The following PDE6B variants were observed in gnomAD, a reference collection of about 807,000 sequenced individuals.
PDE6B encodes the protein phosphodiesterase 6B, also known as rod cGMP-specific 3',5'-cyclic phosphodiesterase subunit beta.
A neutral mutation model predicts 109.0 loss-of-function variants in PDE6B; 106 were observed. The observed-to-expected ratio is 0.97, with a 90% CI of 0.83 to 1.14. The LOEUF (loss-of-function observed/expected upper bound fraction) is 1.14. Among genes scored for constraint, PDE6B ranks in the 50% most tolerant of loss-of-function variants. The pLI is 0.00. For synonymous variants in PDE6B, 490 were observed against 471.3 expected (o/e 1.04, Z -0.51); for missense variants, 1,193 against 1,155.6 (o/e 1.03, Z -0.47).
In PDE6B at chr4:648,455, G is replaced by A. The variant is rs111896881; in HGVS notation, c.712-5397G>A. Among the ~76,000 whole-genome samples the A allele has an allele frequency of 1.3e-5, 2 of 150,602 alleles. No individual in the cohort carries two copies. The highest frequency in any genetic ancestry group is 5.0e-5 in the African/African-American group (2 of 39,998). The stretch of plus-strand genomic sequence containing the variant: ...GCAGTCCGCCCAACGCCTGCACTTC[G>A]TCTGCCTCCTCCTTGAGCTGTGGAA... On this transcript the variant is annotated intron_variant, in intron 3 of 21. Coordinates refer to ENST00000496514, the MANE Select transcript of PDE6B (RefSeq NM_000283.4). The surrounding 1 kb of genome is among the most constrained non-coding windows in gnomAD (Gnocchi z 4.5).
chr4:655,688 C>T (rs1736137376), intron 6 of PDE6B: 1 of 591,804 alleles, frequency 1.7e-6, no homozygotes, highest in African/African-American at 1.8e-5. Context: ...GCACATGAGC[C>T]AGAGACCCCC....
chr4:653,368 G>A, intron 3 of PDE6B: 1 of 1,100,338 alleles, frequency 9.1e-7, no homozygotes, highest in Non-Finnish European at 1.1e-6. Context: ...AGGGGCCTGT[G>A]CAGCGGGATG....
chr4:665,202 C>T lies in PDE6B; in HGVS notation c.2194-53C>T. On this transcript the variant is annotated intron_variant, in intron 18 of 21. Coordinates refer to ENST00000496514, the MANE Select transcript of PDE6B (RefSeq NM_000283.4). The surrounding 1 kb of genome is among the most constrained non-coding windows in gnomAD (Gnocchi z 4.0). ...CGGAGCCTCACGGGGCGGGCCCGGGCCCTTCCGCGTGGGCTCAGAGCTCCA... is the reference window on the plus strand; with the variant it reads ...CGGAGCCTCACGGGGCGGGCCCGGGTCCTTCCGCGTGGGCTCAGAGCTCCA... 1 of 1,361,800 alleles carries T rather than the reference C, an allele frequency of 7.3e-7. No homozygotes were observed. Among genetic ancestry groups the T allele is most frequent in the Non-Finnish European group, 1.0e-6 (1 of 958,538 alleles). The allele number at this position is 1,361,800 out of a possible 1,614,324, so 84.4% of individuals were successfully genotyped here. A position where few individuals can be genotyped will look rare whatever the true frequency, so the allele number is the denominator to read the frequency against.
intron 1 of PDE6B, among the ~76,000 whole-genome samples, chr4:630,865 A>G (rs1734351638): frequency 6.6e-6 from 1 of 152,214 alleles, no homozygotes; most frequent in Non-Finnish European, 1.5e-5. Context: ...TGCTGGGACC[A>G]AGGGTGTATC....
chr4:643,763 T>C lies in PDE6B; in HGVS notation c.711+7794T>C, dbSNP rs574453697. 1.2e-4 allele frequency among the ~76,000 whole-genome samples: 18 copies of C among 151,798 alleles called. No individual in the cohort carries two copies. The South Asian group carries it at 2.7e-3, about 23-fold the overall frequency. On this transcript the variant is annotated intron_variant, in intron 3 of 21. Coordinates refer to ENST00000496514, the MANE Select transcript of PDE6B (RefSeq NM_000283.4). ...TTGCTTTAGGCTTAATTTGAAGTTC[T>C]TTTTCTAGTTTCTTAAGCTTTGAGT...
At chr4:655,600 C>T (rs1577277193) in intron 6 of PDE6B, 2 of 429,426 alleles carry the variant, frequency 4.7e-6, no homozygotes, top group Non-Finnish European at 8.8e-6. Context: ...GCAGCACAGC[C>T]GTCCTCCAAC....
At chr4:657,115 T>C in intron 9 of PDE6B, 92 bp downstream of exon 9, 2 of 1,345,230 alleles carry the variant, frequency 1.5e-6, no homozygotes, top group African/African-American at 1.4e-5. Context: ...AGCATTCGGC[T>C]GTGTGCGTGT....
intron 1 of PDE6B, among the ~76,000 whole-genome samples, chr4:627,701 C>T (rs1437565843): frequency 4.0e-5 from 6 of 150,944 alleles, no homozygotes; most frequent in Non-Finnish European, 7.4e-5. Context: ...TGCCACCCTC[C>T]TCCCTCCTTT....
rs1734112916 is a variant in PDE6B at position 626,534 on chromosome 4, G to C, written c.468+440G>C. ...TGGGATTTGGGAAGAAGAGGTCACAGTCGAAGGTGGTGCAGACGCCCACAG... is the reference window on the plus strand; with the variant it reads ...TGGGATTTGGGAAGAAGAGGTCACACTCGAAGGTGGTGCAGACGCCCACAG... On this transcript the variant is annotated intron_variant, in intron 1 of 21. Coordinates refer to ENST00000496514, the MANE Select transcript of PDE6B (RefSeq NM_000283.4). This position sits in a 1 kb window ranked among gnomAD's most constrained non-coding sequence, Gnocchi z 4.6. Among the ~76,000 whole-genome samples, 1 of 152,238 alleles carries C rather than the reference G, an allele frequency of 6.6e-6. No individual in the cohort carries two copies. Among genetic ancestry groups the C allele is most frequent in the African/African-American group, 2.4e-5 (1 of 41,472 alleles).
chr4:634,003 G>A (rs1221064416), intron 1 of PDE6B, among the ~76,000 whole-genome samples: 1 of 152,008 alleles, frequency 6.6e-6, no homozygotes, highest in Non-Finnish European at 1.5e-5. Flanking sequence ...TAGGAGTGAG[G>A]GTGGGTGGGT....
intron 3 of PDE6B, among the ~76,000 whole-genome samples, chr4:645,001 T>C (rs978676878): frequency 1.3e-5 from 2 of 152,114 alleles, no homozygotes; most frequent in African/African-American, 4.8e-5. Context: ...TGTGTGAACA[T>C]GAATGATTTT....
chr4:664,854 G>A, intron 17 of PDE6B, 27 bp from the exon 18 acceptor site: 2 of 1,595,544 alleles, frequency 1.3e-6, no homozygotes, highest in Non-Finnish European at 1.7e-6. Flanking sequence ...ACGCCCATCA[G>A]CACTCGTGCC....
intron 3 of PDE6B, among the ~76,000 whole-genome samples, chr4:646,709 G>A (rs1302512099): frequency 6.6e-6 from 1 of 151,998 alleles, no homozygotes; most frequent in African/African-American, 2.4e-5. Flanking sequence ...CCGGCCGGGC[G>A]GCGGCGCACT....
chr4:656,961 G>C lies in PDE6B; in HGVS notation c.1195G>C (p.Ala399Pro). Residue 399 changes from alanine (A) to proline (P), a missense_variant, in exon 9 of 22, where the codon GCC becomes CCC. Coordinates refer to ENST00000496514, the MANE Select transcript of PDE6B (RefSeq NM_000283.4). Reference sequence around the variant, plus strand: ...CAAGAAGGAGGAGATTGTGGGAGTCGCCACATTTTACAACAGGAAAGACGG... The same window carrying C: ...CAAGAAGGAGGAGATTGTGGGAGTCCCCACATTTTACAACAGGAAAGACGG... ...VNKKEEIVGV[A>P]TFYNRKDGKP... The C allele has an allele frequency of 6.2e-7, 1 of 1,613,106 alleles. No homozygotes were observed. The highest frequency in any genetic ancestry group is 8.5e-7 in the Non-Finnish European group (1 of 1,179,780).
Position 645,335 on chromosome 4 carries a change from G to A in PDE6B, c.712-8517G>A, listed in dbSNP as rs369038920. 7.4e-4 allele frequency among the ~76,000 whole-genome samples: 98 copies of A among 132,002 alleles called. 3 individuals are homozygous for A. In the East Asian group the frequency reaches 0.017, roughly 23 times the overall value. 86.6% of individuals were successfully genotyped at this position (132,002 alleles called of 152,430 possible). On this transcript the variant is annotated intron_variant, in intron 3 of 21. Transcript: ENST00000496514. ...TTTTGAGACGGAGTCTCGCTCTGTC[G>A]CCCAGGCTGGAGTGCAGTGGCGCGA... is the stretch of plus-strand genomic sequence containing the variant.
At position 666,572 on chromosome 4, in the gene PDE6B, G is replaced by A. The variant is rs749244294; in HGVS notation, c.2310G>A (p.Leu770=). Reference sequence around the variant, plus strand: ...ACAAGGCGGCCGAGCTCCCCAAGCTGCAAGTGGGCTTCATCGACTTCGTGT... The same window carrying A: ...ACAAGGCGGCCGAGCTCCCCAAGCTACAAGTGGGCTTCATCGACTTCGTGT... ...DRNKAAELPK[L]QVGFIDFVCT... Residue 770 remains leucine (L), a synonymous_variant, in exon 20 of 22, where the codon CTG becomes CTA. Coordinates refer to ENST00000496514, the MANE Select transcript of PDE6B (RefSeq NM_000283.4). The surrounding 1 kb of genome is among the most constrained non-coding windows in gnomAD (Gnocchi z 5.6). 9 of 1,613,322 alleles carry A rather than the reference G, an allele frequency of 5.6e-6. No individual in the cohort carries two copies. The South Asian group carries it at 8.8e-5, about 16-fold the overall frequency.
chr4:658,071 GTC>G (rs2109225131), intron 10 of PDE6B, among the ~76,000 whole-genome samples: 1 of 136,156 alleles, frequency 7.3e-6, no homozygotes, highest in East Asian at 2.4e-4. Flanking sequence ...TCGTCCAGGG[GTC>G]CATCCAGGGG....
intron 6 of PDE6B, 138 bp downstream of exon 6, chr4:655,026 T>A: frequency 1.4e-6 from 1 of 706,768 alleles, no homozygotes; most frequent in Non-Finnish European, 2.6e-6. Flanking sequence ...CCACCTGTGG[T>A]GCTCTGTGTG....
rs1355704480 is a variant in PDE6B at position 663,708 on chromosome 4, G to A, written c.1921-62G>A. 6 of 1,258,654 alleles carry A rather than the reference G, an allele frequency of 4.8e-6. No individual in the cohort carries two copies. In the South Asian group the frequency reaches 4.8e-5, roughly 10 times the overall value. The allele number at this position is 1,258,654 out of a possible 1,614,324, so 78.0% of individuals were successfully genotyped here. On this transcript the variant is annotated intron_variant, in intron 15 of 21. Coordinates refer to ENST00000496514, the MANE Select transcript of PDE6B (RefSeq NM_000283.4). This position sits in a 1 kb window ranked among gnomAD's most constrained non-coding sequence, Gnocchi z 4.0. ...AGGCAGCCGAGGCGGAAGGGGCGGG[G>A]TCCCCGGGCACCCTGAGAGGTGGCC...
Sources: gnomAD v4.1 joint callset for allele counts (sites outside exome capture counted in the v4.1 genomes callset) on GRCh38, gnomAD v4.1.1 for gene constraint, Gnocchi (gnomAD v3.1) non-coding constraint, MANE v1.5 for transcripts, NCBI Gene and HGNC (gene_info 2026-07-23, HGNC 2026-07-21) for gene names.